ATP8B4: variants seen among roughly 807,000 people sequenced by gnomAD.
ATP8B4 encodes the protein probable phospholipid-transporting ATPase IM.
Under a neutral mutation model 145.6 loss-of-function variants are expected in ATP8B4, and 133 were observed. That is an observed-to-expected ratio of 0.91 (90% CI 0.79 to 1.05). ATP8B4 has a LOEUF of 1.05. Ranked by LOEUF, ATP8B4 falls within the 50% of genes least tolerant of loss-of-function variation. The pLI is 0.00. For synonymous variants in ATP8B4, 507 were observed against 492.9 expected (o/e 1.03, Z -0.38); for missense variants, 1,458 against 1,425.2 (o/e 1.02, Z -0.37).
intron 1 of ATP8B4, among the ~76,000 whole-genome samples, chr15:50,142,631 C>T (rs541553765): frequency 2.0e-4 from 31 of 152,152 alleles, no homozygotes; most frequent in Admixed American, 1.2e-3. Flanking sequence ...TAGAAAGCAA[C>T]GAGGAATGAT....
chr15:49,900,955 G>A, intron 21 of ATP8B4, 137 bp downstream of exon 21: 1 of 1,140,866 alleles, frequency 8.8e-7, no homozygotes, highest in Non-Finnish European at 1.2e-6. Context: ...TTTGCAAACA[G>A]GAAATCATCG....
chr15:49,874,938 C>T (rs914030444), intron 25 of ATP8B4, among the ~76,000 whole-genome samples: 2 of 151,674 alleles, frequency 1.3e-5, no homozygotes, highest in Non-Finnish European at 2.9e-5. Context: ...ATGGCACTGG[C>T]ACTATTGTAA....
chr15:49,898,206 C>G lies in ATP8B4; in HGVS notation c.2335G>C (p.Ala779Pro). 1 of 1,613,782 alleles carries G rather than the reference C, an allele frequency of 6.2e-7. No homozygotes were observed. Among genetic ancestry groups the G allele is most frequent in the South Asian group, 1.1e-5 (1 of 91,066 alleles). ...SDVKNDLLEL[A>P]CMCKTVICCR... is the part of the protein sequence containing the mutation. ...CAAATTACAGTCTTACACATGCAAGCAAGTTCTAGGAGATCATTCTTGACA... is the reference window on the plus strand; with the variant it reads ...CAAATTACAGTCTTACACATGCAAGGAAGTTCTAGGAGATCATTCTTGACA... The change falls in exon 22 of 28, where the codon GCT becomes CCT. Residue 779 changes from alanine (A) to proline (P), a missense_variant. Coordinates refer to ENST00000284509, the MANE Select transcript of ATP8B4 (RefSeq NM_024837.4).
At chr15:50,035,560 T>C (rs2050772017) in intron 6 of ATP8B4, among the ~76,000 whole-genome samples, 1 of 152,094 alleles carries the variant, frequency 6.6e-6, no homozygotes, top group African/African-American at 2.4e-5. Flanking sequence ...GGGGCACTAT[T>C]ACCCACACCT....
At chr15:50,078,179 C>CTT (rs77613939) in intron 2 of ATP8B4, among the ~76,000 whole-genome samples, 2 of 145,734 alleles carry the variant, frequency 1.4e-5, no homozygotes, top group South Asian at 2.2e-4. Context: ...TAGAGATGCT[C>CTT]TTTTTTTTTT....
chr15:50,156,105 TAA>T (rs1457622321), intron 1 of ATP8B4, among the ~76,000 whole-genome samples: 8,702 of 41,872 alleles, frequency 0.21, 1,197 homozygotes, highest in Non-Finnish European at 0.27. Flanking sequence ...TATATATATA[TAA>T]ATATATATAT....
At chr15:50,137,821 G>A (rs546955273) in intron 1 of ATP8B4, among the ~76,000 whole-genome samples, 22 of 152,262 alleles carry the variant, frequency 1.4e-4, no homozygotes, top group Non-Finnish European at 7.4e-5. Context: ...AGGAGTGGAA[G>A]GAAGCTAACA....
intron 12 of ATP8B4, among the ~76,000 whole-genome samples, chr15:49,974,506 T>G (rs12442825): frequency 0.21 from 31,213 of 151,602 alleles, 3,500 homozygotes; most frequent in East Asian, 0.34. Context: ...TGGGACTGCA[T>G]GCACCACCAC....
chr15:49,874,697 C>T (rs534128797), intron 25 of ATP8B4, among the ~76,000 whole-genome samples: 1 of 152,158 alleles, frequency 6.6e-6, no homozygotes, highest in African/African-American at 2.4e-5. Context: ...TTAGAAATTT[C>T]AAAAGTTTAT....
intron 4 of ATP8B4, among the ~76,000 whole-genome samples, chr15:50,046,045 C>T (rs112964226): frequency 8.5e-4 from 130 of 152,310 alleles, no homozygotes; most frequent in African/African-American, 3.0e-3. Flanking sequence ...TCTTAGGGAA[C>T]CATCATATCC....
chr15:50,118,674 C>T (rs2057222667), intron 1 of ATP8B4, among the ~76,000 whole-genome samples: 1 of 152,166 alleles, frequency 6.6e-6, no homozygotes, highest in Non-Finnish European at 1.5e-5. Flanking sequence ...ACCCTCAAAC[C>T]TCAGAGGGAT....
chr15:50,007,091 A>AACAAGGGAGTTCCCT (rs57711795), intron 7 of ATP8B4, among the ~76,000 whole-genome samples: 54,663 of 151,930 alleles, frequency 0.36, 11,473 homozygotes, highest in African/African-American at 0.59. Context: ...ACAAATGCAG[A>AACAAGGGAGTTCCCT]ACATAAAAAA....
chr15:50,126,714 C>T (rs1383254255), intron 1 of ATP8B4, among the ~76,000 whole-genome samples: 1 of 152,150 alleles, frequency 6.6e-6, no homozygotes, highest in African/African-American at 2.4e-5. Flanking sequence ...TATTTCCATG[C>T]TTGGTGGAGG....
intron 14 of ATP8B4, among the ~76,000 whole-genome samples, chr15:49,955,347 C>A (rs2043465076): frequency 1.3e-5 from 2 of 152,142 alleles, no homozygotes; most frequent in Admixed American, 6.5e-5. Flanking sequence ...AGAAAACAAA[C>A]AAACAAAAAA....
rs547651751 is a variant in ATP8B4 at position 50,145,824 on chromosome 15, C to T, written c.-43+36437G>A. 2.7e-3 allele frequency among the ~76,000 whole-genome samples: 403 copies of T among 151,958 alleles called. 1 individual carries two copies. Among genetic ancestry groups the T allele is most frequent in the African/African-American group, 9.1e-3 (375 of 41,396 alleles). ...CAATATTTCTATTTGGCCAAAGCTA[C>T]TTTGTCAGAAGATATATGAATATGT... On this transcript the variant is annotated intron_variant, in intron 1 of 3. Transcript: ENST00000558829.
chr15:49,917,987 T>G (rs1357777597), intron 19 of ATP8B4, among the ~76,000 whole-genome samples: 3 of 152,140 alleles, frequency 2.0e-5, no homozygotes, highest in African/African-American at 7.2e-5. Context: ...GATCAATGAT[T>G]TGGATAAAGA....
At chr15:50,133,857 C>T (rs2044084058) in intron 1 of ATP8B4, among the ~76,000 whole-genome samples, 1 of 151,958 alleles carries the variant, frequency 6.6e-6, no homozygotes, top group Non-Finnish European at 1.5e-5. Flanking sequence ...AATAATGAGC[C>T]AGGTATGGTG....
At chr15:50,090,144 C>T (rs4476127) in intron 2 of ATP8B4, among the ~76,000 whole-genome samples, 138,973 of 152,108 alleles carry the variant, frequency 0.91, 63,558 homozygotes, top group African/African-American at 0.97. Flanking sequence ...TTCTCACTTA[C>T]AAGTGGGAGC....
rs146073972 is a variant in ATP8B4, at chr15:50,099,332, T to C, written c.28+7607A>G. Among the ~76,000 whole-genome samples, 74 of 152,164 alleles carry C rather than the reference T, an allele frequency of 4.9e-4. No individual in the cohort carries two copies. The East Asian group carries it at 7.9e-3, about 16-fold the overall frequency. Reference sequence around the variant, plus strand: ...TCCCAGTCTGTCACTCAGGCAGGAGTGCAGTAGCACAATCAGAGCTCACTG... The same window carrying C: ...TCCCAGTCTGTCACTCAGGCAGGAGCGCAGTAGCACAATCAGAGCTCACTG... On this transcript the variant is annotated intron_variant, in intron 2 of 27. Transcript: ENST00000284509.
Sources: gnomAD v4.1 joint callset for allele counts (sites outside exome capture counted in the v4.1 genomes callset) on GRCh38, gnomAD v4.1.1 for gene constraint, MANE v1.5 for transcripts, NCBI Gene and HGNC (gene_info 2026-07-23, HGNC 2026-07-21) for gene names.